NEK11: variants seen among roughly 807,000 people sequenced by gnomAD.
The protein encoded by NEK11 is NIMA related kinase 11.
Under a neutral mutation model 80.7 loss-of-function variants are expected in NEK11, and 72 were observed. The ratio of observed to expected loss-of-function variants is 0.89; its 90% confidence interval spans 0.74 to 1.08. The LOEUF is 1.08. Ranked by LOEUF, NEK11 falls within the 50% of genes least tolerant of loss-of-function variation. The pLI, the probability that NEK11 is intolerant of heterozygous loss-of-function variation, is 0.00. For synonymous variants in NEK11, 251 were observed against 260.7 expected, an observed-to-expected ratio of 0.96 and a Z score of 0.36; for missense variants, 764 against 763.6, an observed-to-expected ratio of 1.00 and a Z score of -0.01.
intron 16 of NEK11, among the ~76,000 whole-genome samples, chr3:131,249,724 T>C (rs1165771277): frequency 6.6e-6 from 1 of 152,166 alleles, no homozygotes; most frequent in Non-Finnish European, 1.5e-5. Flanking sequence ...TGACAGCATT[T>C]ACCAGCCTGA....
At chr3:131,236,414 C>G (rs572512225) in intron 15 of NEK11, among the ~76,000 whole-genome samples, 1 of 152,172 alleles carries the variant, frequency 6.6e-6, no homozygotes, top group East Asian at 1.9e-4. Context: ...AACCGTAATT[C>G]TAAATGTCTT....
At chr3:131,340,462 A>G (rs1412860028) in intron 17 of NEK11, among the ~76,000 whole-genome samples, 1 of 152,210 alleles carries the variant, frequency 6.6e-6, no homozygotes, top group African/African-American at 2.4e-5. Flanking sequence ...TGATGGGCAA[A>G]TAAGTAGATG....
chr3:131,271,625 T>C (rs886985805), intron 16 of NEK11, among the ~76,000 whole-genome samples: 1 of 149,890 alleles, frequency 6.7e-6, no homozygotes, highest in Non-Finnish European at 1.5e-5. Flanking sequence ...CAAAACCCTG[T>C]ATCTACTAAA....
chr3:131,209,961 GT>G (rs1165151435), intron 14 of NEK11, among the ~76,000 whole-genome samples: 2 of 152,010 alleles, frequency 1.3e-5, no homozygotes, highest in Non-Finnish European at 2.9e-5. Flanking sequence ...TTTTTTGAAG[GT>G]TTTTTTGTGT....
intron 3 of NEK11, among the ~76,000 whole-genome samples, chr3:131,044,706 A>G (rs927258207): frequency 6.6e-6 from 1 of 152,032 alleles, no homozygotes; most frequent in East Asian, 1.9e-4. Flanking sequence ...AATATTAGAC[A>G]GATCAACAAG....
intron 17 of NEK11, among the ~76,000 whole-genome samples, chr3:131,306,439 A>C (rs1311445404): frequency 1.3e-5 from 2 of 151,946 alleles, no homozygotes; most frequent in Non-Finnish European, 2.9e-5. Context: ...GAACTTTGTA[A>C]GCCTTTCTCA....
chr3:131,120,267 G>A (rs1435524086), intron 5 of NEK11, among the ~76,000 whole-genome samples: 5 of 152,130 alleles, frequency 3.3e-5, no homozygotes, highest in Non-Finnish European at 7.3e-5. Context: ...TGAAATTCTG[G>A]GTTGAAAATT....
rs186938494 is a variant in NEK11 at position 131,136,429 on chromosome 3, A to T, written c.647+2473A>T. Among the ~76,000 whole-genome samples the T allele has an allele frequency of 3.5e-3, 536 of 152,268 alleles. 2 individuals are homozygous for T. The highest frequency in any genetic ancestry group is 0.012 in the African/African-American group (506 of 41,560). The stretch of plus-strand genomic sequence containing the variant: ...CTGTCTCTGAATCTCAGTGTGTAGC[A>T]TCTGTTTATTGTGGAATTTTTTTTT... On this transcript the variant is annotated intron_variant, in intron 7 of 17. Transcript: ENST00000383366.
At chr3:131,050,130 C>T (rs2068117679) in intron 3 of NEK11, among the ~76,000 whole-genome samples, 1 of 152,188 alleles carries the variant, frequency 6.6e-6, no homozygotes, top group Non-Finnish European at 1.5e-5. Context: ...CTCCAGGATT[C>T]CTTGGAAACT....
chr3:131,203,634 G>C (rs543353437), intron 14 of NEK11, among the ~76,000 whole-genome samples: 2 of 122,182 alleles, frequency 1.6e-5, no homozygotes, highest in Non-Finnish European at 3.5e-5. Context: ...TTTTCAAAAC[G>C]GTGATATTGT....
chr3:131,309,216 C>T (rs1458627509), intron 17 of NEK11, among the ~76,000 whole-genome samples: 1 of 152,168 alleles, frequency 6.6e-6, no homozygotes, highest in Non-Finnish European at 1.5e-5. Flanking sequence ...CACTCTCTAA[C>T]TTTGGGATTC....
intron 3 of NEK11, among the ~76,000 whole-genome samples, chr3:131,066,109 G>A (rs980818562): frequency 1.3e-5 from 2 of 152,170 alleles, no homozygotes; most frequent in African/African-American, 2.4e-5. Flanking sequence ...CTGAAATCAT[G>A]ATATACCACA....
chr3:131,060,930 A>G (rs1031403622), intron 3 of NEK11, among the ~76,000 whole-genome samples: 1 of 152,098 alleles, frequency 6.6e-6, no homozygotes, highest in African/African-American at 2.4e-5. Flanking sequence ...TAATGTGCTT[A>G]TTGGCCATGT....
At chr3:131,059,627 C>T (rs1014635591) in intron 3 of NEK11, among the ~76,000 whole-genome samples, 3 of 152,254 alleles carry the variant, frequency 2.0e-5, no homozygotes, top group Non-Finnish European at 2.9e-5. Context: ...GAAGTATATG[C>T]GTTTAATGGA....
intron 17 of NEK11, among the ~76,000 whole-genome samples, chr3:131,323,168 C>T (rs1241954691): frequency 6.6e-6 from 1 of 152,194 alleles, no homozygotes; most frequent in Non-Finnish European, 1.5e-5. Flanking sequence ...AAAAATCACT[C>T]AGCAAACCCC....
At chr3:131,344,954 C>T (rs967209283) in intron 17 of NEK11, among the ~76,000 whole-genome samples, 47 of 152,312 alleles carry the variant, frequency 3.1e-4, no homozygotes, top group Admixed American at 1.8e-3. Context: ...GGACAGATAT[C>T]CAAACTATAT....
intron 17 of NEK11, among the ~76,000 whole-genome samples, chr3:131,340,518 G>A (rs1263134682): frequency 1.3e-5 from 2 of 152,108 alleles, no homozygotes; most frequent in East Asian, 3.9e-4. Context: ...CACAGGAAGA[G>A]GTAATAAAGG....
rs2095000377 is a variant in NEK11 at position 131,220,977 on chromosome 3, GAGGAA to G, written c.1400-7547_1400-7543del. Among the ~76,000 whole-genome samples, 6 of 152,272 alleles carry G rather than the reference GAGGAA, an allele frequency of 3.9e-5. No homozygotes were observed. The South Asian group carries it at 1.2e-3, about 32-fold the overall frequency. ...ATATAAGTTCAAAGTATGTGAAAAA[GAGGAA>G]AGGGGTGGGGGAGTCTTAGGAAAAA... On this transcript the variant is annotated intron_variant, in intron 14 of 17. Transcript: ENST00000383366.
At chr3:131,097,524 A>C (rs1330670126) in intron 4 of NEK11, among the ~76,000 whole-genome samples, 1 of 152,134 alleles carries the variant, frequency 6.6e-6, no homozygotes, top group Non-Finnish European at 1.5e-5. Flanking sequence ...TTGGCTGCAT[A>C]AATGTCTTCT....
Sources: gnomAD v4.1 joint callset for allele counts (sites outside exome capture counted in the v4.1 genomes callset) on GRCh38, gnomAD v4.1.1 for gene constraint, MANE v1.5 for transcripts, NCBI Gene and HGNC (gene_info 2026-07-23, HGNC 2026-07-21) for gene names.